Variants in HSPA8 observed in about 807,000 individuals in gnomAD.
HSPA8 encodes the protein heat shock protein family A (Hsp70) member 8, also known as heat shock cognate 71 kDa protein.
Under a neutral mutation model 52.8 loss-of-function variants are expected in HSPA8, and 2 were observed. The observed-to-expected ratio is 0.04, with a 90% CI of 0.02 to 0.12. HSPA8 has a LOEUF of 0.12. Among genes scored for constraint, HSPA8 ranks in the 10% least tolerant of loss-of-function variants. The pLI is 1.00. For synonymous variants in HSPA8, 436 were observed against 274.0 expected, an observed-to-expected ratio of 1.59 and a Z score of -5.84; for missense variants, 349 against 800.5, an observed-to-expected ratio of 0.44 and a Z score of 6.81.
In HSPA8 at chr11:123,057,645, T is replaced by A; in HGVS notation, c.*89A>T. ...AGTAACTTACTATAGCAGCTTAACTTTTTAAAACTGCCACAGAATTTGCTA... is the reference window on the plus strand; with the variant it reads ...AGTAACTTACTATAGCAGCTTAACTATTTAAAACTGCCACAGAATTTGCTA... On this transcript the variant is annotated 3_prime_UTR_variant, in exon 9 of 9. Transcript: ENST00000534624. 1.8e-6 allele frequency: 2 copies of A among 1,098,404 alleles called. No individual in the cohort carries two copies. Among genetic ancestry groups the A allele is most frequent in the African/African-American group, 3.2e-5 (2 of 63,202 alleles). The allele number at this position is 1,098,404 out of a possible 1,614,324, so 68.0% of individuals were successfully genotyped here. A position where few individuals can be genotyped will look rare whatever the true frequency, so the allele number is the denominator to read the frequency against.
chr11:123,061,117 C>T lies in HSPA8; in HGVS notation c.205+3G>A. 3 of 1,612,574 alleles carry T rather than the reference C, an allele frequency of 1.9e-6. No individual in the cohort carries two copies. On this transcript the variant is annotated splice_donor_region_variant and intron_variant, in intron 2 of 8. Coordinates refer to ENST00000534624, the MANE Select transcript of HSPA8 (RefSeq NM_006597.6). ...GTTCTGTCATTTAAAATTAGGAACT[C>T]ACCAAAAACTGTGTTGGTGGGGTTC... is the stretch of plus-strand genomic sequence containing the variant.
In HSPA8 at chr11:123,057,650, A is replaced by C. The variant is rs1025341590; in HGVS notation, c.*84T>G. The C allele has an allele frequency of 1.7e-6, 2 of 1,156,030 alleles. No individual in the cohort carries two copies. The highest frequency in any genetic ancestry group is 2.5e-6 in the Non-Finnish European group (2 of 813,818). 71.6% of individuals were successfully genotyped at this position (1,156,030 alleles called of 1,614,324 possible). A position where few individuals can be genotyped will look rare whatever the true frequency, so the allele number is the denominator to read the frequency against. Reference sequence around the variant, plus strand: ...CTTACTATAGCAGCTTAACTTTTTAAAACTGCCACAGAATTTGCTACGAAT... The same window carrying C: ...CTTACTATAGCAGCTTAACTTTTTACAACTGCCACAGAATTTGCTACGAAT... On this transcript the variant is annotated 3_prime_UTR_variant, in exon 9 of 9. Transcript: ENST00000534624.
Position 123,061,198 on chromosome 11 carries a change from C to A in HSPA8, c.127G>T (p.Ala43Ser). The change falls in exon 2 of 9, where the codon GCC becomes TCC. Residue 43 changes from alanine (A) to serine (S), a missense_variant. Ala to Ser is a moderately conservative substitution (Grantham distance 99, BLOSUM62 1). Transcript: ENST00000534624. Reference protein sequence around the residue: ...QGNRTTPSYVAFTDTERLIGD... With the variant: ...QGNRTTPSYVSFTDTERLIGD... ...ATCAACCGTTCAGTGTCCGTAAAGG[C>A]GACATAGCTTGGAGTGGTTCGGTTT... The A allele has an allele frequency of 6.2e-7, 1 of 1,613,884 alleles. No homozygotes were observed. The highest frequency in any genetic ancestry group is 8.5e-7 in the Non-Finnish European group (1 of 1,179,838).
intron 2 of HSPA8, 112 bp from the exon 3 acceptor site, chr11:123,060,910 C>A: frequency 9.8e-7 from 1 of 1,024,112 alleles, no homozygotes; most frequent in East Asian, 2.4e-5. Flanking sequence ...ATTCAACTAC[C>A]ATATAGGTAG....
In HSPA8 at chr11:123,059,621, G is replaced by A. The variant is rs1290310126; in HGVS notation, c.972C>T (p.Ala324=). The change falls in exon 5 of 9, where the codon GCC becomes GCT. Residue 324 remains alanine (A), a synonymous_variant. Coordinates refer to ENST00000534624, the MANE Select transcript of HSPA8 (RefSeq NM_006597.6). Reference sequence around the variant, plus strand: ...CATGAATCTGTGACTTGTCTAGTTTGGCATCTCGAAGGGCTTTCTCTACTG... The same window carrying A: ...CATGAATCTGTGACTTGTCTAGTTTAGCATCTCGAAGGGCTTTCTCTACTG... The part of the protein sequence containing the change: ...LDPVEKALRD[A]KLDKSQIHDI... 1 of 1,614,138 alleles carries A rather than the reference G, an allele frequency of 6.2e-7. No homozygotes were observed. Among genetic ancestry groups the A allele is most frequent in the African/African-American group, 1.3e-5 (1 of 75,028 alleles).
Position 123,058,253 on chromosome 11 carries a change from T to C in HSPA8, c.1754A>G (p.Gln585Arg). Residue 585 changes from glutamine (Q) to arginine (R), a missense_variant and splice_region_variant, in exon 8 of 9, where the codon CAG becomes CGG. Physicochemically the swap from Gln to Arg is conservative, Grantham distance 43. Coordinates refer to ENST00000534624, the MANE Select transcript of HSPA8 (RefSeq NM_006597.6). ...NEIINWLDKN[Q>R]TAEKEEFEHQ... ...AAAAAAAAAAAAAAAAACACAAACCTGATTCTTATCAAGCCAGTTGATAAT... is the reference window on the plus strand; with the variant it reads ...AAAAAAAAAAAAAAAAACACAAACCCGATTCTTATCAAGCCAGTTGATAAT... 7.6e-7 allele frequency: 1 copy of C among 1,311,384 alleles called. No individual in the cohort carries two copies. Among genetic ancestry groups the C allele is most frequent in the Non-Finnish European group, 1.1e-6 (1 of 917,792 alleles). 81.2% of individuals were successfully genotyped at this position (1,311,384 alleles called of 1,614,324 possible). A position where few individuals can be genotyped will look rare whatever the true frequency, so the allele number is the denominator to read the frequency against.
Position 123,059,573 on chromosome 11 carries a change from A to G in HSPA8, c.1020T>C (p.Ser340=), listed in dbSNP as rs1050472246. The G allele has an allele frequency of 6.2e-7, 1 of 1,614,024 alleles. No homozygotes were observed. Among genetic ancestry groups the G allele is most frequent in the African/African-American group, 1.3e-5 (1 of 74,932 alleles). The change falls in exon 5 of 9, where the codon TCT becomes TCC. Residue 340 remains serine, a synonymous_variant. Coordinates refer to ENST00000534624, the MANE Select transcript of HSPA8 (RefSeq NM_006597.6). ...QIHDIVLVGG[S]TRIPKIQKLL... ...GCTTCTGAATCTTGGGGATACGAGT[A>G]GAACCACCAACCAGGACAATATCAT...
intron 2 of HSPA8, 83 bp downstream of exon 2, chr11:123,061,037 A>G (rs1044324018): frequency 2.7e-5 from 34 of 1,257,718 alleles, no homozygotes; most frequent in South Asian, 7.6e-5. Context: ...CTAAAATCAA[A>G]AAGTTCCCTC....
At chr11:123,060,474 G>C in intron 3 of HSPA8, 119 bp downstream of exon 3, 1 of 932,746 alleles carries the variant, frequency 1.1e-6, no homozygotes, top group Non-Finnish European at 1.7e-6. Flanking sequence ...TGGGCACGTG[G>C]TCTTAACCCT....
intron 1 of HSPA8, 31 bp from the exon 2 acceptor site, chr11:123,061,360 T>C (rs947249781): frequency 6.6e-7 from 1 of 1,514,988 alleles, no homozygotes; most frequent in African/African-American, 1.4e-5. Flanking sequence ...GTTTAAAAAT[T>C]CAATTAATCA....
In HSPA8 at chr11:123,057,494, T is replaced by G. The variant is rs1025372949; in HGVS notation, c.*240A>C. 1.2e-5 allele frequency: 5 copies of G among 406,802 alleles called. No homozygotes were observed. Among genetic ancestry groups the G allele is most frequent in the Non-Finnish European group, 1.3e-5 (3 of 229,924 alleles). The allele number at this position is 406,802 out of a possible 1,614,324, so 25.2% of individuals were successfully genotyped here. On this transcript the variant is annotated 3_prime_UTR_variant, in exon 9 of 9. Transcript: ENST00000534624. ...TATTTAAAGACTCAAAGCAATTGTATGGTGCCAATTTTAAATAGTTTTATT... is the reference window on the plus strand; with the variant it reads ...TATTTAAAGACTCAAAGCAATTGTAGGGTGCCAATTTTAAATAGTTTTATT...
Position 123,058,291 on chromosome 11 carries a change from G to A in HSPA8, c.1716C>T (p.Asp572=), listed in dbSNP as rs1477135807. The A allele has an allele frequency of 6.4e-7, 1 of 1,564,660 alleles. No homozygotes were observed. The stretch of plus-strand genomic sequence containing the variant: ...GCCAGTTGATAATTTCATTACACTT[G>A]TCCAGAATCTTCTGTTTGTCCTCAT... ...INDEDKQKIL[D]KCNEIINWLD... Residue 572 remains aspartate, a synonymous_variant, in exon 8 of 9, where the codon GAC becomes GAT. Coordinates refer to ENST00000534624, the MANE Select transcript of HSPA8 (RefSeq NM_006597.6).
chr11:123,057,961 T>C (rs1280797886), intron 8 of HSPA8, 42 bp from the exon 9 acceptor site: 3 of 1,453,692 alleles, frequency 2.1e-6, no homozygotes, highest in African/African-American at 2.8e-5. Context: ...TCTTTTAATG[T>C]TAATAACCCT....
intron 2 of HSPA8, 41 bp from the exon 3 acceptor site, chr11:123,060,839 C>G: frequency 1.3e-6 from 2 of 1,555,162 alleles, no homozygotes; most frequent in South Asian, 2.2e-5. Context: ...AATTTCATAG[C>G]TCTTCTGATA....
At position 123,060,048 on chromosome 11, in the gene HSPA8, CATTTAA is replaced by C; in HGVS notation, c.565-26_565-21del. On this transcript the variant is annotated intron_variant, in intron 4 of 8. Transcript: ENST00000534624. ...TCCAACCTGCCGTTAAAAACAATCT[CATTTAA>C]ATTTACGATGGATCAAATTAATCTT... is the stretch of plus-strand genomic sequence containing the variant. 1.2e-6 allele frequency: 2 copies of C among 1,614,090 alleles called. No homozygotes were observed. The highest frequency in any genetic ancestry group is 1.7e-6 in the Non-Finnish European group (2 of 1,179,974).
rs139624482 is a variant in HSPA8 at position 123,057,523 on chromosome 11, G to C, written c.*211C>G. ...GCCAATTTTAAATAGTTTTATTTAA[G>C]ACATTGCATTTTCCACTTACAATAC... On this transcript the variant is annotated 3_prime_UTR_variant, in exon 9 of 9. Transcript: ENST00000534624. 4.6e-5 allele frequency: 21 copies of C among 459,630 alleles called. No homozygotes were observed. Among genetic ancestry groups the C allele is most frequent in the African/African-American group, 3.0e-4 (15 of 49,188 alleles). The allele number at this position is 459,630 out of a possible 1,614,324, so 28.5% of individuals were successfully genotyped here.
Position 123,062,118 on chromosome 11 carries a change from T to G in HSPA8, c.-60A>C, listed in dbSNP as rs921034696. ...AGGAAGCCACAAAAAACCCAAGAGC[T>G]GCAGGCGAGTTCAATGAGACCGGTT... On this transcript the variant is annotated 5_prime_UTR_variant, in exon 1 of 9. Coordinates refer to ENST00000534624, the MANE Select transcript of HSPA8 (RefSeq NM_006597.6). 8 of 152,926 alleles carry G rather than the reference T, an allele frequency of 5.2e-5. No homozygotes were observed. Among genetic ancestry groups the G allele is most frequent in the African/African-American group, 1.9e-4 (8 of 41,560 alleles). The allele number at this position is 152,926 out of a possible 1,614,324, so 9.5% of individuals were successfully genotyped here.
chr11:123,061,724 C>G (rs2135448835), intron 1 of HSPA8: 1 of 227,954 alleles, frequency 4.4e-6, no homozygotes, highest in African/African-American at 2.3e-5. Flanking sequence ...CACGGTGGGA[C>G]TGGACTAAGC....
intron 2 of HSPA8, 38 bp from the exon 3 acceptor site, chr11:123,060,836 T>C (rs756828552): frequency 1.9e-6 from 3 of 1,562,174 alleles, no homozygotes; most frequent in Middle Eastern, 1.8e-4. Flanking sequence ...TTCAATTTCA[T>C]AGCTCTTCTG....
Sources: gnomAD v4.1 joint callset for allele counts on GRCh38, gnomAD v4.1.1 for gene constraint, MANE v1.5 for transcripts, NCBI Gene and HGNC (gene_info 2026-07-23, HGNC 2026-07-21) for gene names.